SYNE2: variants seen among roughly 807,000 people sequenced by gnomAD.
SYNE2 encodes spectrin repeat containing nuclear envelope protein 2, also known as nesprin-2.
SYNE2 carries 431 observed loss-of-function variants against 856.3 expected under a neutral mutation model. The ratio of observed to expected loss-of-function variants is 0.50; its 90% CI spans 0.47 to 0.55. The LOEUF (loss-of-function observed/expected upper bound fraction) is 0.55. Among genes scored for constraint, SYNE2 ranks in the 20% least tolerant of loss-of-function variants. SYNE2 has a pLI of 0.00. For synonymous variants in SYNE2, 2,923 were observed against 2,872.3 expected, an observed-to-expected ratio of 1.02 and a Z score of -0.56; for missense variants, 8,129 against 8,023.2, an observed-to-expected ratio of 1.01 and a Z score of -0.50.
chr14:64,102,942 T>C (rs756974839), intron 64 of SYNE2, among the ~76,000 whole-genome samples: 1 of 152,130 alleles, frequency 6.6e-6, no homozygotes, highest in Non-Finnish European at 1.5e-5. Flanking sequence ...TTTAACATAA[T>C]GTCTTCCGGT....
chr14:63,782,227 A>C (rs1013781481), intron 1 of SYNE2, among the ~76,000 whole-genome samples: 3 of 152,000 alleles, frequency 2.0e-5, no homozygotes, highest in Non-Finnish European at 4.4e-5. Context: ...TAATCCCAGC[A>C]CTTTAGGAGG....
At chr14:64,030,129 T>TTAATACACTGTA in intron 44 of SYNE2, 70 bp downstream of exon 44, 1 of 1,446,622 alleles carries the variant, frequency 6.9e-7, no homozygotes, top group Non-Finnish European at 9.6e-7. Context: ...GTGTGATTAA[T>TTAATACACTGTA]CAGTGTCCTC....
At chr14:63,889,826 A>C (rs955362026) in intron 1 of SYNE2, among the ~76,000 whole-genome samples, 1 of 152,030 alleles carries the variant, frequency 6.6e-6, no homozygotes, top group African/African-American at 2.4e-5. Flanking sequence ...GAGTCTTCAG[A>C]ATGAAGGCCC....
rs557790849 is a variant in SYNE2, at chr14:63,983,359, A to T, written c.2002-378A>T. Among the ~76,000 whole-genome samples, 3 of 152,340 alleles carry T rather than the reference A, an allele frequency of 2.0e-5. No individual in the cohort carries two copies. The South Asian group carries it at 6.2e-4, about 32-fold the overall frequency. On this transcript the variant is annotated intron_variant, in intron 17 of 115. Transcript: ENST00000555002. ...CAGTTCTTGAATCTTTCTTGAGTATATGCCTGAGAGATCTTTTAATTCTTG... is the reference window on the plus strand; with the variant it reads ...CAGTTCTTGAATCTTTCTTGAGTATTTGCCTGAGAGATCTTTTAATTCTTG...
rs753595531 is a variant in SYNE2 at position 64,062,773 on chromosome 14, T to C, written c.10090T>C (p.Tyr3364His). 6.2e-7 allele frequency: 1 copy of C among 1,613,808 alleles called. No homozygotes were observed. Among genetic ancestry groups the C allele is most frequent in the African/African-American group, 1.3e-5 (1 of 74,934 alleles). ...TAGGTATCTTGAGAATTACAAATGCTATAGAAAAATGGAAGAGGATATTTA... is the reference window on the plus strand; with the variant it reads ...TAGGTATCTTGAGAATTACAAATGCCATAGAAAAATGGAAGAGGATATTTA... ...AERYLENYKC[Y>H]RKMEEDIYTN... The change falls in exon 50 of 116, where the codon TAT becomes CAT. Residue 3364 changes from tyrosine (Y) to histidine (H), a missense_variant. This residue lies in a region of SYNE2 where 5,410 missense variants were observed against 5,284.8 expected (regional missense o/e 1.02). Coordinates refer to ENST00000555002, the MANE Select transcript of SYNE2 (RefSeq NM_182914.3).
intron 99 of SYNE2, among the ~76,000 whole-genome samples, chr14:64,201,031 GC>G (rs2139936082): frequency 6.6e-6 from 1 of 152,322 alleles, no homozygotes; most frequent in African/African-American, 2.4e-5. Context: ...ACTCTGTGCA[GC>G]TGACTTTACA....
At chr14:64,145,379 G>A (rs1181393013) in intron 83 of SYNE2, among the ~76,000 whole-genome samples, 2 of 151,888 alleles carry the variant, frequency 1.3e-5, no homozygotes, top group Non-Finnish European at 2.9e-5. Context: ...ATGGCGGCAC[G>A]TGCCTGTAAT....
In SYNE2 at chr14:64,052,944, A is replaced by C; in HGVS notation, c.9031A>C (p.Asn3011His). The change falls in exon 48 of 116, where the codon AAC becomes CAC. Residue 3011 changes from asparagine (N) to histidine (H), a missense_variant. Physicochemically the swap from Asn to His is moderately conservative, Grantham distance 68. Coordinates refer to ENST00000555002, the MANE Select transcript of SYNE2 (RefSeq NM_182914.3). The part of the protein sequence containing the change: ...LKKVFDYIGL[N>H]WDFSQLDQLQ... Reference sequence around the variant, plus strand: ...AAAAGTGTTTGACTATATTGGACTAAACTGGGATTTTTCACAACTTGACCA... The same window carrying C: ...AAAAGTGTTTGACTATATTGGACTACACTGGGATTTTTCACAACTTGACCA... 3 of 1,611,138 alleles carry C rather than the reference A, an allele frequency of 1.9e-6. No homozygotes were observed. Among genetic ancestry groups the C allele is most frequent in the Non-Finnish European group, 2.5e-6 (3 of 1,179,356 alleles).
At chr14:63,816,373 T>C (rs1888994734) in intron 1 of SYNE2, among the ~76,000 whole-genome samples, 2 of 152,176 alleles carry the variant, frequency 1.3e-5, no homozygotes, top group South Asian at 4.1e-4. Context: ...CAATGGATTA[T>C]GGAACAATCT....
Position 63,949,912 on chromosome 14 carries a change from A to G in SYNE2, c.496A>G (p.Ser166Gly), listed in dbSNP as rs1219315987. The change falls in exon 7 of 116, where the codon AGT becomes GGT. Residue 166 changes from serine (S) to glycine (G), a missense_variant. This residue lies in a region of SYNE2 where 2,422 missense variants were observed against 2,357.4 expected (regional missense o/e 1.03). Coordinates refer to ENST00000555002, the MANE Select transcript of SYNE2 (RefSeq NM_182914.3). ...TGTGGTTGACTCATCTCCTGCCTCA[A>G]GTCCTCCAGCTAAGAAATGCTCTAA... The part of the protein sequence containing the change: ...VSVVDSSPAS[S>G]PPAKKCSKVQ... The G allele has an allele frequency of 6.2e-7, 1 of 1,614,148 alleles. No individual in the cohort carries two copies. Among genetic ancestry groups the G allele is most frequent in the Admixed American group, 1.7e-5 (1 of 60,012 alleles).
At chr14:63,958,458 A>T (rs955453830) in intron 8 of SYNE2, among the ~76,000 whole-genome samples, 1 of 152,136 alleles carries the variant, frequency 6.6e-6, no homozygotes, top group African/African-American at 2.4e-5. Flanking sequence ...TCTCGTGATT[A>T]TACTGGGTTT....
chr14:64,163,808 A>G (rs2098348818), intron 89 of SYNE2, among the ~76,000 whole-genome samples: 1 of 152,214 alleles, frequency 6.6e-6, no homozygotes, highest in Admixed American at 6.5e-5. Flanking sequence ...TATATGTATT[A>G]TATTGCATAC....
At chr14:64,162,545 A>G in intron 88 of SYNE2, 1 of 486,692 alleles carries the variant, frequency 2.1e-6, no homozygotes, top group Non-Finnish European at 3.8e-6. Flanking sequence ...TCTCTAAGGC[A>G]AAAGCTTCAT....
intron 73 of SYNE2, among the ~76,000 whole-genome samples, chr14:64,127,413 A>T (rs886567384): frequency 6.6e-6 from 1 of 152,220 alleles, no homozygotes; most frequent in African/African-American, 2.4e-5. Context: ...TCAAAAAAAG[A>T]AAAAAGTAAA....
chr14:63,766,672 T>C lies in SYNE2; in HGVS notation c.-305+4686T>C, dbSNP rs140146706. ...TGTTCTCCAGACAGGAAGGAAATTC[T>C]GGGACAACGTTGTTTAAACTTTTCA... On this transcript the variant is annotated intron_variant, in intron 1 of 23. Coordinates refer to the SYNE2 transcript ENST00000674003. 1.1e-4 allele frequency among the ~76,000 whole-genome samples: 16 copies of C among 152,330 alleles called. No homozygotes were observed. The East Asian group carries it at 3.1e-3, about 29-fold the overall frequency.
intron 77 of SYNE2, among the ~76,000 whole-genome samples, chr14:64,133,311 AT>A (rs1330089402): frequency 6.6e-6 from 1 of 152,122 alleles, no homozygotes. Flanking sequence ...TCAAGTTGAT[AT>A]TTATAATATG....
intron 1 of SYNE2, among the ~76,000 whole-genome samples, chr14:63,882,709 A>AAAAC (rs376529672): frequency 2.0e-5 from 3 of 152,182 alleles, no homozygotes; most frequent in Non-Finnish European, 2.9e-5. Flanking sequence ...CTATCTCAGA[A>AAAAC]AAACAAACAA....
intron 80 of SYNE2, among the ~76,000 whole-genome samples, chr14:64,140,804 A>C (rs1318844648): frequency 6.6e-6 from 1 of 152,100 alleles, no homozygotes; most frequent in African/African-American, 2.4e-5. Context: ...ATTTTGGGGG[A>C]AATAAAAATG....
intron 105 of SYNE2, among the ~76,000 whole-genome samples, chr14:64,213,315 A>C (rs972166222): frequency 2.6e-5 from 4 of 151,678 alleles, no homozygotes; most frequent in African/African-American, 9.7e-5. Flanking sequence ...TTCTTGAAGA[A>C]CTCTTCTGGC....
Sources: gnomAD v4.1 joint callset for allele counts (sites outside exome capture counted in the v4.1 genomes callset) on GRCh38, gnomAD v4.1.1 for gene constraint, gnomAD v4.1.1 regional missense constraint, MANE v1.5 for transcripts, NCBI Gene and HGNC (gene_info 2026-07-23, HGNC 2026-07-21) for gene names.